The following TENM4 variants were observed in gnomAD, a reference collection of about 807,000 sequenced individuals.
TENM4 encodes the protein teneurin-4.
TENM4 carries 82 observed loss-of-function variants against 243.3 expected under a neutral mutation model. The ratio of observed to expected loss-of-function variants is 0.34; its 90% CI spans 0.28 to 0.40. TENM4 has a LOEUF of 0.40. Among genes scored for constraint, TENM4 ranks in the 10% least tolerant of loss-of-function variants. The pLI is 1.00. For synonymous variants in TENM4, 1,412 were observed against 1,456.3 expected (o/e 0.97, Z 0.69); for missense variants, 3,138 against 3,673.3 (o/e 0.85, Z 3.77).
intron 12 of TENM4, among the ~76,000 whole-genome samples, chr11:78,830,527 C>A (rs540519499): frequency 2.0e-5 from 3 of 152,234 alleles, no homozygotes; most frequent in Non-Finnish European, 4.4e-5. Context: ...CAGACTCCCC[C>A]CTGCTGAGCC....
chr11:79,298,454 G>A (rs1392180328), intron 1 of TENM4, among the ~76,000 whole-genome samples: 3 of 147,274 alleles, frequency 2.0e-5, no homozygotes, highest in Non-Finnish European at 4.5e-5. Context: ...AGCGGAGCTT[G>A]CAGTGAGCCG....
At chr11:78,915,183 T>G (rs1004743031) in intron 6 of TENM4, among the ~76,000 whole-genome samples, 1 of 152,190 alleles carries the variant, frequency 6.6e-6, no homozygotes, top group Non-Finnish European at 1.5e-5. Flanking sequence ...TATGCACATA[T>G]TGTTTTCTGC....
chr11:79,353,808 A>T (rs1857454151), intron 1 of TENM4, among the ~76,000 whole-genome samples: 1 of 151,290 alleles, frequency 6.6e-6, no homozygotes, highest in Non-Finnish European at 1.5e-5. Context: ...TCAAGCCTGC[A>T]GGCCAAATCC....
At chr11:78,831,253 C>T (rs1857972538) in intron 12 of TENM4, among the ~76,000 whole-genome samples, 1 of 152,234 alleles carries the variant, frequency 6.6e-6, no homozygotes. Flanking sequence ...GAAAACTGCA[C>T]TGGCATTAGT....
chr11:79,167,240 C>T (rs923245072), intron 3 of TENM4, among the ~76,000 whole-genome samples: 3 of 152,258 alleles, frequency 2.0e-5, no homozygotes, highest in South Asian at 4.2e-4. Context: ...TATCTGAGTT[C>T]ACAGTGGGAA....
chr11:79,077,633 T>A (rs1044460819), intron 4 of TENM4, among the ~76,000 whole-genome samples: 2 of 152,144 alleles, frequency 1.3e-5, no homozygotes, highest in African/African-American at 4.8e-5. Flanking sequence ...TGAAAAACAC[T>A]GTCCTAGATC....
At chr11:78,891,538 T>C (rs1855665907) in intron 7 of TENM4, among the ~76,000 whole-genome samples, 1 of 152,186 alleles carries the variant, frequency 6.6e-6, no homozygotes, top group Admixed American at 6.5e-5. Context: ...ATACTGTCTA[T>C]ATAAAAACAA....
intron 5 of TENM4, among the ~76,000 whole-genome samples, chr11:79,065,473 T>C (rs968686754): frequency 1.3e-5 from 2 of 152,198 alleles, no homozygotes; most frequent in Non-Finnish European, 2.9e-5. Context: ...GCTCAATAAA[T>C]GCTTGTTAAA....
chr11:78,727,810 G>C (rs539110493), intron 22 of TENM4, among the ~76,000 whole-genome samples: 45 of 152,322 alleles, frequency 3.0e-4, no homozygotes, highest in Non-Finnish European at 5.9e-4. Flanking sequence ...TCTTCCAAGC[G>C]TCTTTCTGGG....
At chr11:79,362,932 G>A (rs1343478146) in intron 1 of TENM4, among the ~76,000 whole-genome samples, 1 of 152,144 alleles carries the variant, frequency 6.6e-6, no homozygotes, top group Non-Finnish European at 1.5e-5. Flanking sequence ...ATATTCCTGG[G>A]AGAGAGCTCT....
intron 1 of TENM4, among the ~76,000 whole-genome samples, chr11:79,391,615 G>A (rs889520865): frequency 6.6e-6 from 1 of 151,982 alleles, no homozygotes; most frequent in Non-Finnish European, 1.5e-5. Flanking sequence ...TAACTCATTG[G>A]GTGAAAAACC....
chr11:79,343,703 C>T (rs991786819), intron 1 of TENM4, among the ~76,000 whole-genome samples: 1 of 152,108 alleles, frequency 6.6e-6, no homozygotes, highest in African/African-American at 2.4e-5. Context: ...TCCATCTCCA[C>T]TTTCTTCTCT....
intron 6 of TENM4, among the ~76,000 whole-genome samples, chr11:79,053,990 G>A (rs1232005194): frequency 6.6e-6 from 1 of 152,154 alleles, no homozygotes; most frequent in African/African-American, 2.4e-5. Context: ...TTCATGTTGT[G>A]CCCATTGCTA....
At chr11:78,691,230 T>C (rs1239118217) in intron 28 of TENM4, among the ~76,000 whole-genome samples, 1 of 152,230 alleles carries the variant, frequency 6.6e-6, no homozygotes, top group Non-Finnish European at 1.5e-5. Context: ...GTGGAGTCTG[T>C]GGATTGACAC....
At chr11:79,152,460 C>G (rs1862530127) in intron 3 of TENM4, among the ~76,000 whole-genome samples, 1 of 152,186 alleles carries the variant, frequency 6.6e-6, no homozygotes, top group Non-Finnish European at 1.5e-5. Flanking sequence ...CTCTAGGAAA[C>G]TGAGTGCTTT....
chr11:79,215,953 G>T, intron 2 of TENM4, 44 bp from the exon 3 acceptor site: 1 of 733,114 alleles, frequency 1.4e-6, no homozygotes, highest in Non-Finnish European at 1.7e-6. Context: ...GAGGTGGCAA[G>T]ATGCCCCAAT....
intron 29 of TENM4, among the ~76,000 whole-genome samples, chr11:78,683,702 G>A (rs374314359): frequency 0.078 from 11,622 of 148,224 alleles, 480 homozygotes; most frequent in African/African-American, 0.13. Context: ...AGATGAACCC[G>A]GTACCTCAGA....
At chr11:79,405,740 T>C (rs1032511897) in intron 1 of TENM4, among the ~76,000 whole-genome samples, 6 of 151,360 alleles carry the variant, frequency 4.0e-5, no homozygotes, top group African/African-American at 1.2e-4. Flanking sequence ...CATAACTAAC[T>C]CTTATCTTAA....
chr11:78,722,282 T>C (rs1298932845), intron 24 of TENM4, among the ~76,000 whole-genome samples: 2 of 152,228 alleles, frequency 1.3e-5, no homozygotes, highest in African/African-American at 4.8e-5. Context: ...TCCAAGGTGC[T>C]AGGATTACAG....
Sources: gnomAD v4.1 joint callset for allele counts (sites outside exome capture counted in the v4.1 genomes callset) on GRCh38, gnomAD v4.1.1 for gene constraint, MANE v1.5 for transcripts, NCBI Gene and HGNC (gene_info 2026-07-23, HGNC 2026-07-21) for gene names.